The following CTNNA2 variants were observed in gnomAD, a reference collection of about 807,000 sequenced individuals.
CTNNA2 encodes catenin alpha-2.
CTNNA2 carries 42 observed loss-of-function variants against 101.0 expected under a neutral mutation model. The ratio of observed to expected loss-of-function variants is 0.42; its 90% confidence interval spans 0.32 to 0.54. The LOEUF (loss-of-function observed/expected upper bound fraction) is 0.54. CTNNA2 is among the 20% of genes least tolerant of loss of function. CTNNA2 has a pLI of 0.14. For missense variants in CTNNA2, 871 were observed against 1,223.1 expected, an observed-to-expected ratio of 0.71 and a Z score of 4.29; for synonymous variants, 450 against 456.4, an observed-to-expected ratio of 0.99 and a Z score of 0.18.
intron 9 of CTNNA2, among the ~76,000 whole-genome samples, chr2:80,491,297 C>T (rs1687038788): frequency 6.6e-6 from 1 of 152,140 alleles, no homozygotes; most frequent in Non-Finnish European, 1.5e-5. Flanking sequence ...CGTGAATGGC[C>T]CCTATTCCCT....
chr2:79,500,712 A>T lies in CTNNA2; in HGVS notation c.-134-4342A>T, dbSNP rs1371541637. ...GAGGGATGAGATTGTCTCACGGGAG[A>T]AGCTATTGTTCTTTTCTCTTGCTCT... is the stretch of plus-strand genomic sequence containing the variant. On this transcript the variant is annotated intron_variant, in intron 4 of 21. Coordinates refer to the CTNNA2 transcript ENST00000466387. The T allele has an allele frequency of 2.0e-5, 3 of 152,270 alleles. No individual in the cohort carries two copies. In the East Asian group the frequency reaches 5.8e-4, roughly 29 times the overall value. The allele number at this position is 152,270 out of a possible 1,614,324, so 9.4% of individuals were successfully genotyped here.
chr2:80,115,494 A>T (rs1701460609), intron 7 of CTNNA2, among the ~76,000 whole-genome samples: 1 of 152,196 alleles, frequency 6.6e-6, no homozygotes, highest in South Asian at 2.1e-4. Flanking sequence ...CTTTAGGACC[A>T]TTGTCTTCAT....
At chr2:79,249,846 T>C (rs1484563586) in intron 2 of CTNNA2, among the ~76,000 whole-genome samples, 1 of 152,230 alleles carries the variant, frequency 6.6e-6, no homozygotes, top group African/African-American at 2.4e-5. Context: ...CTCCTAATAG[T>C]ATGGGTCCCT....
intron 3 of CTNNA2, among the ~76,000 whole-genome samples, chr2:79,362,092 T>C (rs1239444987): frequency 6.6e-6 from 1 of 152,158 alleles, no homozygotes; most frequent in Non-Finnish European, 1.5e-5. Context: ...TCAGCAAATG[T>C]CCCATCTGGA....
chr2:79,311,408 C>CAAAAAAA lies in CTNNA2; in HGVS notation c.-405-1285_-405-1279dup, dbSNP rs753633073. Among the ~76,000 whole-genome samples, 90 of 67,028 alleles carry CAAAAAAA rather than the reference C, an allele frequency of 1.3e-3. 3 individuals are homozygous for CAAAAAAA. Among genetic ancestry groups the CAAAAAAA allele is most frequent in the African/African-American group, 4.6e-3 (86 of 18,796 alleles). The allele number at this position is 67,028 out of a possible 152,430, so 44.0% of individuals were successfully genotyped here. A position where few individuals can be genotyped will look rare whatever the true frequency, so the allele number is the denominator to read the frequency against. On this transcript the variant is annotated intron_variant, in intron 2 of 21. Coordinates refer to the CTNNA2 transcript ENST00000466387. ...TGGGCGACAGGGCTAGACTCCGTCT[C>CAAAAAAA]AAAAAAAAAAAAAAAAAAAAAAGAG...
chr2:79,645,578 A>T (rs575441776), intron 1 of CTNNA2, among the ~76,000 whole-genome samples: 73 of 152,202 alleles, frequency 4.8e-4, no homozygotes, highest in African/African-American at 1.1e-3. Flanking sequence ...ACCTTATCTC[A>T]TCTCTCTCCC....
intron 4 of CTNNA2, among the ~76,000 whole-genome samples, chr2:79,387,012 A>G (rs931948065): frequency 3.3e-5 from 5 of 152,218 alleles, no homozygotes; most frequent in Non-Finnish European, 7.3e-5. Flanking sequence ...AGAGTCAGAA[A>G]TCCAGCTGCT....
chr2:79,488,728 T>C (rs1272914958), intron 4 of CTNNA2, among the ~76,000 whole-genome samples: 1 of 152,188 alleles, frequency 6.6e-6, no homozygotes, highest in African/African-American at 2.4e-5. Context: ...AAAGTATTTT[T>C]AATCCTGCAC....
chr2:80,398,817 A>G (rs78071035), intron 8 of CTNNA2, among the ~76,000 whole-genome samples: 5,785 of 149,114 alleles, frequency 0.039, 157 homozygotes, highest in South Asian at 0.11. Flanking sequence ...CAGTGAGTTG[A>G]GATCACACCC....
At chr2:80,313,326 G>A in intron 7 of CTNNA2, 2 of 1,245,336 alleles carry the variant, frequency 1.6e-6, no homozygotes, top group Non-Finnish European at 1.0e-6. Flanking sequence ...CGTGTTTGCT[G>A]CTATTCTTGT....
At chr2:79,727,625 G>A (rs1686929519) in intron 2 of CTNNA2, among the ~76,000 whole-genome samples, 1 of 151,218 alleles carries the variant, frequency 6.6e-6, no homozygotes, top group African/African-American at 2.4e-5. Flanking sequence ...TGTGCACAAT[G>A]TGCAGGTTAG....
chr2:80,071,074 T>C (rs1339258948), intron 7 of CTNNA2, among the ~76,000 whole-genome samples: 1 of 152,240 alleles, frequency 6.6e-6, no homozygotes, highest in Non-Finnish European at 1.5e-5. Flanking sequence ...GCTCCAGGGA[T>C]TAAGAACTGA....
At chr2:80,097,640 C>T (rs146435070) in intron 7 of CTNNA2, among the ~76,000 whole-genome samples, 2,785 of 152,294 alleles carry the variant, frequency 0.018, 81 homozygotes, top group African/African-American at 0.063. Flanking sequence ...CTTTCAGGTA[C>T]ACCAATCAGA....
At chr2:79,754,300 G>A (rs1340886330) in intron 3 of CTNNA2, among the ~76,000 whole-genome samples, 1 of 152,166 alleles carries the variant, frequency 6.6e-6, no homozygotes, top group Non-Finnish European at 1.5e-5. Context: ...GAGGTCATAA[G>A]CCCTTGCCTC....
Position 80,259,870 on chromosome 2 carries a change from T to C in CTNNA2, c.1057-133341T>C, listed in dbSNP as rs541155101. 2.8e-3 allele frequency among the ~76,000 whole-genome samples: 431 copies of C among 152,328 alleles called. 2 individuals are homozygous for C. The highest frequency in any genetic ancestry group is 4.1e-3 in the Non-Finnish European group (282 of 68,030). On this transcript the variant is annotated intron_variant, in intron 7 of 18. Transcript: ENST00000402739. Reference sequence around the variant, plus strand: ...TCCCCTGTCTAAGTTACAAAGCTGATGGGAGCATTAAATGAGATTGTGGCT... The same window carrying C: ...TCCCCTGTCTAAGTTACAAAGCTGACGGGAGCATTAAATGAGATTGTGGCT...
At chr2:79,484,239 A>G (rs569843364) in intron 4 of CTNNA2, among the ~76,000 whole-genome samples, 3 of 152,124 alleles carry the variant, frequency 2.0e-5, no homozygotes, top group Non-Finnish European at 4.4e-5. Context: ...AGACCCTGTC[A>G]CAATAAAATA....
At chr2:80,266,170 A>G (rs913233110) in intron 7 of CTNNA2, among the ~76,000 whole-genome samples, 20 of 152,318 alleles carry the variant, frequency 1.3e-4, no homozygotes, top group African/African-American at 4.8e-4. Flanking sequence ...CCACCTTAAG[A>G]GTAGAGTCTG....
chr2:79,608,093 A>C (rs1001462633), intron 1 of CTNNA2, among the ~76,000 whole-genome samples: 6 of 152,038 alleles, frequency 3.9e-5, no homozygotes, highest in African/African-American at 7.2e-5. Context: ...TTTCATCATG[A>C]ACAGGTCTTC....
At chr2:80,566,552 T>C (rs777260653) in intron 12 of CTNNA2, among the ~76,000 whole-genome samples, 2 of 152,174 alleles carry the variant, frequency 1.3e-5, no homozygotes, top group Admixed American at 6.5e-5. Flanking sequence ...TAAGGACATA[T>C]TCAAATGCTG....
Sources: allele counts gnomAD v4.1 joint callset (sites outside exome capture counted in the v4.1 genomes callset), GRCh38; gene constraint gnomAD v4.1.1; transcripts MANE v1.5; gene names NCBI Gene and HGNC (gene_info 2026-07-23, HGNC 2026-07-21).